Variants in KIF17 observed in about 807,000 individuals in gnomAD.
KIF17 encodes the protein kinesin-like protein KIF17.
Under a neutral mutation model 96.8 loss-of-function variants are expected in KIF17, and 80 were observed. The observed-to-expected ratio is 0.83, with a 90% CI of 0.69 to 1.00. KIF17 has a LOEUF of 1.00. KIF17 is among the 50% of genes least tolerant of loss of function. The pLI, the probability that KIF17 is intolerant of heterozygous loss-of-function variation, is 0.00. For missense variants in KIF17, 1,280 were observed against 1,372.9 expected (o/e 0.93, Z 1.07); for synonymous variants, 567 against 587.5 (o/e 0.97, Z 0.51).
chr1:20,670,294 C>T (rs2053617255), intron 13 of KIF17, 127 bp downstream of exon 13: 1 of 907,508 alleles, frequency 1.1e-6, no homozygotes, highest in Admixed American at 1.9e-5. Flanking sequence ...CCAGCCTTGG[C>T]CCCTTCTTTA....
At position 20,704,301 on chromosome 1, in the gene KIF17, G is replaced by A; in HGVS notation, c.1123+146C>T. On this transcript the variant is annotated intron_variant, in intron 5 of 14. Coordinates refer to ENST00000400463, the MANE Select transcript of KIF17 (RefSeq NM_001122819.3). This position sits in a 1 kb window ranked among gnomAD's most constrained non-coding sequence, Gnocchi z 6.8. Reference sequence around the variant, plus strand: ...ATACCATCTGGGCCGTCTCCAACCAGGGCCCTGCGCTCACATGGGGCTGAG... The same window carrying A: ...ATACCATCTGGGCCGTCTCCAACCAAGGCCCTGCGCTCACATGGGGCTGAG... 2.8e-6 allele frequency: 2 copies of A among 722,306 alleles called. No individual in the cohort carries two copies. Among genetic ancestry groups the A allele is most frequent in the Non-Finnish European group, 4.9e-6 (2 of 411,548 alleles). 44.7% of individuals were successfully genotyped at this position (722,306 alleles called of 1,614,324 possible). A position where few individuals can be genotyped will look rare whatever the true frequency, so the allele number is the denominator to read the frequency against.
Position 20,690,318 on chromosome 1 carries a change from C to G in KIF17, c.1251G>C (p.Leu417=), listed in dbSNP as rs144117798. Residue 417 remains leucine, a synonymous_variant, in exon 7 of 15, where the codon CTG becomes CTC. Coordinates refer to ENST00000400463, the MANE Select transcript of KIF17 (RefSeq NM_001122819.3). ...QLIREEYEER[L]ARLKADYKAE... is the part of the protein sequence containing the mutation. ...CCTTATAGTCGGCTTTCAGCCGGGC[C>G]AGGCGCTCTTCATACTCCTGGGGGG... is the stretch of plus-strand genomic sequence containing the variant. 6 of 1,247,462 alleles carry G rather than the reference C, an allele frequency of 4.8e-6. No individual in the cohort carries two copies. Among genetic ancestry groups the G allele is most frequent in the Non-Finnish European group, 6.5e-6 (6 of 930,148 alleles). The allele number at this position is 1,247,462 out of a possible 1,614,324, so 77.3% of individuals were successfully genotyped here. A position where few individuals can be genotyped will look rare whatever the true frequency, so the allele number is the denominator to read the frequency against.
chr1:20,684,065 G>A (rs1246029645), intron 10 of KIF17, among the ~76,000 whole-genome samples: 3 of 152,238 alleles, frequency 2.0e-5, no homozygotes, highest in Admixed American at 6.5e-5. Flanking sequence ...TACTGATATC[G>A]CCCATTCTGA....
intron 3 of KIF17, among the ~76,000 whole-genome samples, chr1:20,712,919 A>AT (rs1433074508): frequency 1.8e-5 from 1 of 56,300 alleles, no homozygotes; most frequent in African/African-American, 5.9e-5. Context: ...TATATATAAT[A>AT]TATCTATATT....
chr1:20,714,605 T>C (rs147490674), intron 2 of KIF17, among the ~76,000 whole-genome samples: 2,925 of 152,084 alleles, frequency 0.019, 52 homozygotes, highest in Non-Finnish European at 0.028. Flanking sequence ...AAGACCAACC[T>C]GGCCAACATG....
intron 6 of KIF17, among the ~76,000 whole-genome samples, chr1:20,694,993 C>T (rs2054108260): frequency 6.6e-6 from 1 of 152,188 alleles, no homozygotes; most frequent in African/African-American, 2.4e-5. Context: ...TGGATGGAAA[C>T]ACACATATAT....
At position 20,699,838 on chromosome 1, in the gene KIF17, G is replaced by A. The variant is rs189759364; in HGVS notation, c.1124-1350C>T. 3.0e-4 allele frequency among the ~76,000 whole-genome samples: 46 copies of A among 152,318 alleles called. No individual in the cohort carries two copies. Among genetic ancestry groups the A allele is most frequent in the African/African-American group, 1.1e-3 (46 of 41,580 alleles). On this transcript the variant is annotated intron_variant, in intron 5 of 14. Transcript: ENST00000400463. The surrounding 1 kb of genome is among the most constrained non-coding windows in gnomAD (Gnocchi z 4.3). The stretch of plus-strand genomic sequence containing the variant: ...GAGAAGTCCAAGAGGGATAATGCCA[G>A]ATTGTGACAGCTGTGGAGGGCCGGG...
rs2154535161 is a variant in KIF17 at position 20,672,664 on chromosome 1, C to A, written c.2464-468G>T. 6.6e-6 allele frequency among the ~76,000 whole-genome samples: 1 copy of A among 152,312 alleles called. No homozygotes were observed. The highest frequency in any genetic ancestry group is 2.1e-4 in the South Asian group (1 of 4,826). ...GGCACAAACTCTCCGACTTGACAAT[C>A]CTCACTCTCCCACTGCCACAGCCCT... On this transcript the variant is annotated intron_variant, in intron 11 of 14. Coordinates refer to ENST00000400463, the MANE Select transcript of KIF17 (RefSeq NM_001122819.3). The surrounding 1 kb of genome is among the most constrained non-coding windows in gnomAD (Gnocchi z 4.3).
At chr1:20,712,598 A>AT (rs1305711439) in intron 3 of KIF17, among the ~76,000 whole-genome samples, 373 of 15,532 alleles carry the variant, frequency 0.024, 92 homozygotes, top group Non-Finnish European at 0.047. Context: ...ATATATCTAT[A>AT]TATATCTATA....
intron 11 of KIF17, among the ~76,000 whole-genome samples, chr1:20,680,205 A>G (rs2053806902): frequency 6.6e-6 from 1 of 152,190 alleles, no homozygotes. Flanking sequence ...GTGCTATCGA[A>G]TGAAGAAAAC....
In KIF17 at chr1:20,684,812, G is replaced by A. The variant is rs1330215620; in HGVS notation, c.2228C>T (p.Ala743Val). ...AGCCCCATGCTCTGCTGCTTACCGG[G>A]CCAGCACCTGCTGCTGGTCCACAAC... ...LPVVDQQQVL[A>V]RLQLLEQQVV... Residue 743 changes from alanine to valine, a missense_variant, in exon 10 of 15, where the codon GCC becomes GTC. Physicochemically the swap from Ala to Val is moderately conservative, Grantham distance 64. Transcript: ENST00000400463. 6.3e-7 allele frequency: 1 copy of A among 1,574,808 alleles called. No individual in the cohort carries two copies. The highest frequency in any genetic ancestry group is 2.4e-5 in the East Asian group (1 of 42,346).
At position 20,690,302 on chromosome 1, in the gene KIF17, C is replaced by T; in HGVS notation, c.1267G>A (p.Asp423Asn). The T allele has an allele frequency of 1.5e-6, 2 of 1,311,558 alleles. No homozygotes were observed. Among genetic ancestry groups the T allele is most frequent in the Non-Finnish European group, 2.0e-6 (2 of 995,668 alleles). 81.2% of individuals were successfully genotyped at this position (1,311,558 alleles called of 1,614,324 possible). Residue 423 changes from aspartate to asparagine, a missense_variant, in exon 7 of 15, where the codon GAC (aspartate) becomes AAC (asparagine). By Grantham distance (23) the Asp-to-Asn change is conservative. Transcript: ENST00000400463. ...YEERLARLKA[D>N]YKAEQESRAR... ...CGAGACTCCTGCTCGGCCTTATAGT[C>T]GGCTTTCAGCCGGGCCAGGCGCTCT...
Position 20,704,374 on chromosome 1 carries a change from G to T in KIF17, c.1123+73C>A. The T allele has an allele frequency of 8.0e-7, 1 of 1,245,144 alleles. No individual in the cohort carries two copies. Among genetic ancestry groups the T allele is most frequent in the Non-Finnish European group, 1.1e-6 (1 of 871,028 alleles). The allele number at this position is 1,245,144 out of a possible 1,614,324, so 77.1% of individuals were successfully genotyped here. On this transcript the variant is annotated intron_variant, in intron 5 of 14. Coordinates refer to ENST00000400463, the MANE Select transcript of KIF17 (RefSeq NM_001122819.3). The surrounding 1 kb of genome is among the most constrained non-coding windows in gnomAD (Gnocchi z 6.8). Reference sequence around the variant, plus strand: ...CTGTCTTTTAGGTGGGAAGTTGGAGGCGAGAAGACAGAGGGAAGGAAGCTT... The same window carrying T: ...CTGTCTTTTAGGTGGGAAGTTGGAGTCGAGAAGACAGAGGGAAGGAAGCTT...
At chr1:20,694,734 T>C (rs1312761246) in intron 6 of KIF17, among the ~76,000 whole-genome samples, 1 of 152,192 alleles carries the variant, frequency 6.6e-6, no homozygotes, top group African/African-American at 2.4e-5. Context: ...TTAGATACAC[T>C]TGAACCTCAA....
chr1:20,680,474 G>A (rs2053810975), intron 11 of KIF17, among the ~76,000 whole-genome samples: 1 of 152,214 alleles, frequency 6.6e-6, no homozygotes, highest in Non-Finnish European at 1.5e-5. Context: ...CAGTTTGGAA[G>A]GCCGAGGCGG....
chr1:20,690,352 G>GGGGGCA lies in KIF17; in HGVS notation c.1234-18_1234-17insTGCCCC. ...TTCATACTCCTGGGGGGGTGGGAGG[G>GGGGGCA]ACCAGAGGGCAGGCAGCATTTTATC... On this transcript the variant is annotated splice_polypyrimidine_tract_variant and intron_variant, in intron 6 of 14. Transcript: ENST00000400463. 2.0e-5 allele frequency: 9 copies of GGGGGCA among 451,122 alleles called. No homozygotes were observed. The highest frequency in any genetic ancestry group is 3.8e-5 in the Non-Finnish European group (9 of 235,112). The allele number at this position is 451,122 out of a possible 1,614,324, so 27.9% of individuals were successfully genotyped here.
Position 20,704,625 on chromosome 1 carries a change from C to G in KIF17, c.945G>C (p.Ala315=), listed in dbSNP as rs373442401. The change falls in exon 5 of 15, where the codon GCG becomes GCC. Residue 315 remains alanine (A), a synonymous_variant. Coordinates refer to ENST00000400463, the MANE Select transcript of KIF17 (RefSeq NM_001122819.3). The surrounding 1 kb of genome is among the most constrained non-coding windows in gnomAD (Gnocchi z 6.8). ...TGAGTGTCTCATCGTAGTTGTTGTCCGCAGGCGACAGGCAGGCCACCATGA... is the reference window on the plus strand; with the variant it reads ...TGAGTGTCTCATCGTAGTTGTTGTCGGCAGGCGACAGGCAGGCCACCATGA... The part of the protein sequence containing the change: ...KTLMVACLSP[A]DNNYDETLST... 11 of 1,614,016 alleles carry G rather than the reference C, an allele frequency of 6.8e-6. No homozygotes were observed. The highest frequency in any genetic ancestry group is 9.3e-6 in the Non-Finnish European group (11 of 1,180,022).
At chr1:20,676,520 A>G (rs1359616449) in intron 11 of KIF17, among the ~76,000 whole-genome samples, 1 of 152,238 alleles carries the variant, frequency 6.6e-6, no homozygotes, top group African/African-American at 2.4e-5. Flanking sequence ...AACACTGCTC[A>G]CAATAAGAAA....
chr1:20,714,796 C>CAAAAAA (rs34182653), intron 2 of KIF17, among the ~76,000 whole-genome samples: 5 of 107,624 alleles, frequency 4.6e-5, no homozygotes, highest in African/African-American at 1.1e-4. Context: ...GACTCCGTCT[C>CAAAAAA]AAAAAAAAAA....
Sources: gnomAD v4.1 joint callset for allele counts (sites outside exome capture counted in the v4.1 genomes callset) on GRCh38, gnomAD v4.1.1 for gene constraint, Gnocchi (gnomAD v3.1) non-coding constraint, MANE v1.5 for transcripts, NCBI Gene and HGNC (gene_info 2026-07-23, HGNC 2026-07-21) for gene names.